Variants in MCC observed in about 807,000 individuals in gnomAD.
MCC encodes the protein colorectal mutant cancer protein.
A neutral mutation model predicts 116.2 loss-of-function variants in MCC; 90 were observed. The observed-to-expected ratio is 0.77, with a 90% CI of 0.65 to 0.92. The LOEUF (loss-of-function observed/expected upper bound fraction) is 0.92. Ranked by LOEUF, MCC falls within the 40% of genes least tolerant of loss-of-function variation. The pLI is 0.00. For missense variants in MCC, 1,516 were observed against 1,312.2 expected (o/e 1.16, Z -2.40); for synonymous variants, 578 against 510.5 (o/e 1.13, Z -1.78).
intron 3 of MCC, among the ~76,000 whole-genome samples, chr5:113,194,908 A>G (rs1762323889): frequency 6.6e-6 from 1 of 152,200 alleles, no homozygotes; most frequent in Admixed American, 6.5e-5. Flanking sequence ...CAAAAAGAGA[A>G]CATGGCCCCC....
chr5:113,041,033 G>A (rs1273771939), intron 17 of MCC, among the ~76,000 whole-genome samples: 3 of 152,202 alleles, frequency 2.0e-5, no homozygotes, highest in African/African-American at 4.8e-5. Context: ...AAGTCATTAG[G>A]ATTTGTTGAG....
At chr5:113,148,522 C>T (rs1759660322) in intron 4 of MCC, among the ~76,000 whole-genome samples, 1 of 152,170 alleles carries the variant, frequency 6.6e-6, no homozygotes, top group African/African-American at 2.4e-5. Flanking sequence ...TTAATCATGG[C>T]ACTATAATAT....
intron 8 of MCC, 78 bp from the exon 9 acceptor site, chr5:113,085,388 G>A: frequency 7.0e-7 from 1 of 1,429,680 alleles, no homozygotes; most frequent in South Asian, 1.3e-5. Context: ...GTAGGTGGTG[G>A]GGCTTTCATT....
Position 113,082,879 on chromosome 5 carries a change from C to A in MCC, c.1765G>T (p.Glu589Ter). Residue 589 changes from glutamate (E) to a stop codon, truncating the protein, a stop_gained, in exon 11 of 19, where the codon GAA becomes TAA. Transcript: ENST00000408903. LOFTEE classifies it high-confidence loss of function. Reference protein sequence around the residue: ...SESKIREFEVETERLNSRIEH... With the variant: ...SESKIREFEV ...CCTCACCTATTCAGCCGTTCTGTTT[C>A]CACCTCAAACTCTCTAATCTTGCTT... is the stretch of plus-strand genomic sequence containing the variant. The A allele has an allele frequency of 6.2e-7, 1 of 1,614,132 alleles. No individual in the cohort carries two copies. The highest frequency in any genetic ancestry group is 8.5e-7 in the Non-Finnish European group (1 of 1,179,994).
chr5:113,053,822 T>G lies in MCC; in HGVS notation c.2351A>C (p.His784Pro). The change falls in exon 15 of 19, where the codon CAC (histidine) becomes CCC (proline). Residue 784 changes from histidine to proline, a missense_variant. By Grantham distance (77) the His-to-Pro change is moderately conservative (BLOSUM62 -2). Coordinates refer to ENST00000408903, the MANE Select transcript of MCC (RefSeq NM_001085377.2). ...KLTMLELESI[H>P]IDPLSYDVKP... ...GACGTCATAGCTGAGAGGATCGATG[T>G]GGATGCTTTCCAGCTCCAGCATGGT... 6.2e-7 allele frequency: 1 copy of G among 1,614,192 alleles called. No homozygotes were observed. Among genetic ancestry groups the G allele is most frequent in the African/African-American group, 1.3e-5 (1 of 75,054 alleles).
intron 3 of MCC, among the ~76,000 whole-genome samples, chr5:113,269,928 T>C (rs1201723449): frequency 2.0e-5 from 3 of 152,252 alleles, no homozygotes; most frequent in Non-Finnish European, 4.4e-5. Context: ...TTCTAAAGTA[T>C]AATTACATTT....
chr5:113,213,598 G>A (rs1012187313), intron 3 of MCC, among the ~76,000 whole-genome samples: 2 of 152,182 alleles, frequency 1.3e-5, no homozygotes, highest in Non-Finnish European at 2.9e-5. Flanking sequence ...ACACTGACAA[G>A]CGGCTTTGAC....
intron 1 of MCC, among the ~76,000 whole-genome samples, chr5:113,412,088 G>C (rs1770009719): frequency 6.6e-6 from 1 of 152,136 alleles, no homozygotes; most frequent in Admixed American, 6.5e-5. Flanking sequence ...TTGTAGATGT[G>C]TGGTGTTATT....
chr5:113,340,209 T>C (rs1767975702), intron 3 of MCC, among the ~76,000 whole-genome samples: 1 of 152,260 alleles, frequency 6.6e-6, no homozygotes, highest in African/African-American at 2.4e-5. Flanking sequence ...TAATTTGTAA[T>C]GTCTAGAACC....
At chr5:113,360,092 C>A (rs1196825308) in intron 2 of MCC, among the ~76,000 whole-genome samples, 1 of 152,096 alleles carries the variant, frequency 6.6e-6, no homozygotes, top group African/African-American at 2.4e-5. Flanking sequence ...GCATCACATA[C>A]AACCTCTCGT....
intron 1 of MCC, among the ~76,000 whole-genome samples, chr5:113,452,030 C>T (rs1304122683): frequency 2.0e-5 from 3 of 152,200 alleles, no homozygotes; most frequent in African/African-American, 7.2e-5. Context: ...CTTCCGTTCT[C>T]CTCCACATGT....
chr5:113,171,036 G>C (rs1449505194), intron 3 of MCC, among the ~76,000 whole-genome samples: 1 of 152,000 alleles, frequency 6.6e-6, no homozygotes, highest in South Asian at 2.1e-4. Flanking sequence ...TTTGTCAAAG[G>C]CATGTGACCA....
intron 3 of MCC, among the ~76,000 whole-genome samples, chr5:113,228,400 AT>A (rs1763824963): frequency 1.3e-5 from 2 of 152,174 alleles, no homozygotes; most frequent in African/African-American, 4.8e-5. Context: ...TAAGAAGGGT[AT>A]TGCCAGACTT....
rs532790916 is a variant in MCC, at chr5:113,476,417, C to G, written c.170+11828G>C. On this transcript the variant is annotated intron_variant, in intron 1 of 18. Transcript: ENST00000408903. ...ACATTTATGGTCTATTGATTTTTGA[C>G]AAGGGTGTCAAGAAAATGGGAAAAC... Among the ~76,000 whole-genome samples the G allele has an allele frequency of 2.0e-4, 30 of 152,256 alleles. No individual in the cohort carries two copies. The South Asian group carries it at 6.2e-3, about 32-fold the overall frequency.
At chr5:113,097,713 TC>T (rs1398258274) in intron 8 of MCC, among the ~76,000 whole-genome samples, 1 of 152,102 alleles carries the variant, frequency 6.6e-6, no homozygotes, top group Non-Finnish European at 1.5e-5. Context: ...CTCTGTAAGA[TC>T]ACAACACTTA....
chr5:113,174,215 C>T (rs1315537023), intron 3 of MCC, among the ~76,000 whole-genome samples: 1 of 152,100 alleles, frequency 6.6e-6, no homozygotes, highest in East Asian at 1.9e-4. Flanking sequence ...CAGAAATATC[C>T]TAGGTAAAAA....
At chr5:113,148,786 A>G (rs1759675160) in intron 4 of MCC, among the ~76,000 whole-genome samples, 2 of 152,178 alleles carry the variant, frequency 1.3e-5, no homozygotes, top group Non-Finnish European at 1.5e-5. Flanking sequence ...AACTCCAGTG[A>G]GAAGAGCAGA....
At chr5:113,341,603 G>T (rs951228276) in intron 2 of MCC, among the ~76,000 whole-genome samples, 2 of 152,164 alleles carry the variant, frequency 1.3e-5, no homozygotes, top group African/African-American at 4.8e-5. Context: ...GAAATGATAA[G>T]CATCACTGCT....
chr5:113,291,590 C>A (rs1766498128), intron 3 of MCC, among the ~76,000 whole-genome samples: 1 of 152,078 alleles, frequency 6.6e-6, no homozygotes, highest in South Asian at 2.1e-4. Flanking sequence ...CAGGCTGAAA[C>A]TGACCCCACA....
Sources: gnomAD v4.1 joint callset for allele counts (sites outside exome capture counted in the v4.1 genomes callset) on GRCh38, gnomAD v4.1.1 for gene constraint, MANE v1.5 for transcripts, NCBI Gene and HGNC (gene_info 2026-07-23, HGNC 2026-07-21) for gene names.